ARFGEF3: variants seen among roughly 807,000 people sequenced by gnomAD.
ARFGEF3 encodes ARFGEF family member 3.
Under a neutral mutation model 221.7 loss-of-function variants are expected in ARFGEF3, and 96 were observed. The observed-to-expected ratio is 0.43, with a 90% CI of 0.37 to 0.51. ARFGEF3 has a LOEUF of 0.51. Among genes scored for constraint, ARFGEF3 ranks in the 20% least tolerant of loss-of-function variants. The pLI is 0.00. For missense variants in ARFGEF3, 2,410 were observed against 2,789.9 expected (o/e 0.86, Z 3.07); for synonymous variants, 1,145 against 1,126.8 (o/e 1.02, Z -0.32).
At chr6:138,228,092 CAAAAG>C (rs1778120654) in intron 4 of ARFGEF3, among the ~76,000 whole-genome samples, 1 of 151,572 alleles carries the variant, frequency 6.6e-6, no homozygotes, top group Non-Finnish European at 1.5e-5. Context: ...TGTCATGAAA[CAAAAG>C]AAAGCTATTT....
intron 12 of ARFGEF3, among the ~76,000 whole-genome samples, chr6:138,264,933 TCA>T (rs1778858862): frequency 6.7e-6 from 1 of 148,530 alleles, no homozygotes; most frequent in South Asian, 2.2e-4. Context: ...AGAGAAAGTC[TCA>T]CTCTGTCACC....
chr6:138,311,451 G>A lies in ARFGEF3; in HGVS notation c.4141G>A (p.Gly1381Arg), dbSNP rs118049612. 6,770 of 1,608,652 alleles carry A rather than the reference G, an allele frequency of 4.2e-3. 24 individuals carry two copies. The highest frequency in any genetic ancestry group is 5.1e-3 in the Non-Finnish European group (6,006 of 1,177,888). Residue 1381 changes from glycine (G) to arginine (R), a missense_variant, in exon 25 of 34, where the codon GGA (glycine) becomes AGA (arginine). Around this residue, in one of 5 missense-constraint regions of ARFGEF3, gnomAD observed 723 missense variants for 991.9 expected, o/e 0.73. Transcript: ENST00000251691. ...GATTGGAGACTGTGCCCCAGCACCC[G>A]GAGCCCCGTCCACAGACCTGTGCCT... is the stretch of plus-strand genomic sequence containing the variant. ...KEIGDCAPAP[G>R]APSTDLCLPA...
rs186755480 is a variant in ARFGEF3 at position 138,315,775 on chromosome 6, G to A, written c.4346-1476G>A. 1.7e-3 allele frequency among the ~76,000 whole-genome samples: 254 copies of A among 152,096 alleles called. 1 individual carries two copies. The highest frequency in any genetic ancestry group is 5.7e-3 in the African/African-American group (237 of 41,476). ...CTGAAGCAGAGAATCGCTTGAACCC[G>A]GGAGGTGGAGGTTGCAGTGAGCCGA... is the stretch of plus-strand genomic sequence containing the variant. On this transcript the variant is annotated intron_variant, in intron 26 of 33. Transcript: ENST00000251691.
chr6:138,328,010 C>A lies in ARFGEF3; in HGVS notation c.5002-11C>A. 6.4e-7 allele frequency: 1 copy of A among 1,550,584 alleles called. No homozygotes were observed. The highest frequency in any genetic ancestry group is 1.2e-5 in the South Asian group (1 of 83,806). ...TGGAGTTCTGAAATGTACCTTTGCA[C>A]CCCCATACAGGTGTTTATGCTGGAC... On this transcript the variant is annotated splice_polypyrimidine_tract_variant and intron_variant, in intron 31 of 33. Transcript: ENST00000251691.
chr6:138,216,727 A>G (rs1311959890), intron 4 of ARFGEF3: 1 of 152,250 alleles, frequency 6.6e-6, no homozygotes, highest in Non-Finnish European at 1.5e-5. Flanking sequence ...GAGACCCTTC[A>G]GAAGATTTGT....
intron 28 of ARFGEF3, 128 bp from the exon 29 acceptor site, chr6:138,320,983 T>G: frequency 1.6e-6 from 1 of 613,472 alleles, no homozygotes; most frequent in Non-Finnish European, 2.8e-6. Context: ...ATTTTTCTCA[T>G]TGTTCTATTT....
At chr6:138,196,706 C>A (rs1383791135) in intron 2 of ARFGEF3, among the ~76,000 whole-genome samples, 1 of 152,104 alleles carries the variant, frequency 6.6e-6, no homozygotes, top group Non-Finnish European at 1.5e-5. Context: ...CTTTTTTGAT[C>A]CTTTAAACTT....
intron 22 of ARFGEF3, among the ~76,000 whole-genome samples, chr6:138,305,678 A>G (rs1779710794): frequency 6.6e-6 from 1 of 152,068 alleles, no homozygotes; most frequent in Non-Finnish European, 1.5e-5. Context: ...ATTGTGGCAT[A>G]TGGAATTTAT....
chr6:138,235,275 C>T (rs981548371), intron 5 of ARFGEF3, among the ~76,000 whole-genome samples: 2 of 152,148 alleles, frequency 1.3e-5, no homozygotes, highest in Non-Finnish European at 2.9e-5. Context: ...TGGATGCTTA[C>T]AAATCAGTGA....
Position 138,333,997 on chromosome 6 carries a change from C to T in ARFGEF3, c.5151C>T (p.Ser1717=). 1 of 1,609,342 alleles carries T rather than the reference C, an allele frequency of 6.2e-7. No individual in the cohort carries two copies. The highest frequency in any genetic ancestry group is 8.5e-7 in the Non-Finnish European group (1 of 1,176,362). The change falls in exon 33 of 34, where the codon AGC becomes AGT. Residue 1717 remains serine (S), a synonymous_variant. Transcript: ENST00000251691. Reference sequence around the variant, plus strand: ...TGTCTTTCAGGGAAATTGTGGTGAGCCTGCTGTCTCATCAGGTGTTACTCC... The same window carrying T: ...TGTCTTTCAGGGAAATTGTGGTGAGTCTGCTGTCTCATCAGGTGTTACTCC... ...KSVSFREIVV[S]LLSHQVLLQN...
chr6:138,284,381 C>G (rs894591280), intron 14 of ARFGEF3, among the ~76,000 whole-genome samples: 27 of 152,280 alleles, frequency 1.8e-4, no homozygotes, highest in African/African-American at 6.3e-4. Flanking sequence ...TTGCATTCAG[C>G]TATGTTAGTT....
At chr6:138,165,262 G>T (rs1162240859) in intron 1 of ARFGEF3, among the ~76,000 whole-genome samples, 1 of 151,086 alleles carries the variant, frequency 6.6e-6, no homozygotes, top group Admixed American at 6.6e-5. Flanking sequence ...CCCCCTCTGA[G>T]ACCCTCATGG....
intron 14 of ARFGEF3, among the ~76,000 whole-genome samples, chr6:138,280,819 C>T (rs1431224725): frequency 1.3e-5 from 2 of 152,158 alleles, no homozygotes; most frequent in Non-Finnish European, 1.5e-5. Flanking sequence ...CCACTGTACT[C>T]CAGCCTGGGC....
At chr6:138,217,324 A>AT (rs1316912236) in intron 4 of ARFGEF3, 1 of 152,162 alleles carries the variant, frequency 6.6e-6, no homozygotes, top group African/African-American at 2.4e-5. Flanking sequence ...AAGTTCTCTG[A>AT]TTTTTTAATC....
At chr6:138,292,525 G>A (rs570148912) in intron 19 of ARFGEF3, among the ~76,000 whole-genome samples, 2 of 152,318 alleles carry the variant, frequency 1.3e-5, no homozygotes, top group South Asian at 2.1e-4. Context: ...CCATGCGAGG[G>A]TGAAGAGGGA....
intron 5 of ARFGEF3, among the ~76,000 whole-genome samples, chr6:138,231,943 C>T (rs1778200939): frequency 6.6e-6 from 1 of 152,192 alleles, no homozygotes. Flanking sequence ...GTTCTTAGAA[C>T]AGCATCCTCT....
At chr6:138,163,871 A>G (rs1776668148) in intron 1 of ARFGEF3, among the ~76,000 whole-genome samples, 1 of 152,196 alleles carries the variant, frequency 6.6e-6, no homozygotes, top group Admixed American at 6.5e-5. Flanking sequence ...GATTGGGCAA[A>G]CCAGGAAAAC....
chr6:138,222,839 C>T (rs1387509794), intron 4 of ARFGEF3, among the ~76,000 whole-genome samples: 2 of 151,870 alleles, frequency 1.3e-5, no homozygotes, highest in African/African-American at 4.8e-5. Flanking sequence ...TACCTTGTAC[C>T]TCATATATAG....
chr6:138,254,080 C>T (rs1778629459), intron 9 of ARFGEF3, 96 bp downstream of exon 9: 4 of 725,680 alleles, frequency 5.5e-6, no homozygotes, highest in African/African-American at 1.8e-5. Flanking sequence ...CCATGACCCA[C>T]CAGTAGTAGT....
Sources: allele counts gnomAD v4.1 joint callset (sites outside exome capture counted in the v4.1 genomes callset), GRCh38; gene constraint gnomAD v4.1.1; regional missense constraint gnomAD v4.1.1; transcripts MANE v1.5; gene names NCBI Gene and HGNC (gene_info 2026-07-23, HGNC 2026-07-21).